The following SPRING1 variants were observed in gnomAD, a reference collection of about 807,000 sequenced individuals.
SPRING1 encodes SREBF pathway regulator in golgi 1.
Under a neutral mutation model 24.7 loss-of-function variants are expected in SPRING1, and 14 were observed. The ratio of observed to expected loss-of-function variants is 0.57; its 90% confidence interval spans 0.37 to 0.88. SPRING1 has a LOEUF of 0.88. SPRING1 is among the 40% of genes least tolerant of loss of function. The pLI is 0.00. For synonymous variants in SPRING1, 93 were observed against 106.1 expected, an observed-to-expected ratio of 0.88 and a Z score of 0.76; for missense variants, 255 against 268.4, an observed-to-expected ratio of 0.95 and a Z score of 0.35.
In SPRING1 at chr12:116,728,435, T is replaced by G. The variant is rs1046890845; in HGVS notation, c.112-5212A>C. On this transcript the variant is annotated intron_variant, in intron 1 of 4. Transcript: ENST00000261318. This position sits in a 1 kb window ranked among gnomAD's most constrained non-coding sequence, Gnocchi z 4.2. The stretch of plus-strand genomic sequence containing the variant: ...AATGCACCCAAGAAACCTGGTACCA[T>G]TCACCATTCCCAACCCTCCCCTCAA... Among the ~76,000 whole-genome samples, 1 of 152,052 alleles carries G rather than the reference T, an allele frequency of 6.6e-6. No individual in the cohort carries two copies.
chr12:116,719,886 C>T lies in SPRING1; in HGVS notation c.421-10G>A, dbSNP rs779734088. On this transcript the variant is annotated splice_polypyrimidine_tract_variant and intron_variant, in intron 3 of 4. Coordinates refer to ENST00000261318, the MANE Select transcript of SPRING1 (RefSeq NM_024738.4). The stretch of plus-strand genomic sequence containing the variant: ...GCTCCAGGAGAAGTTGCTATGGAAA[C>T]AAAAGTTAGTGCCTGTAATAAATTA... 1 of 1,611,780 alleles carries T rather than the reference C, an allele frequency of 6.2e-7. No individual in the cohort carries two copies. Among genetic ancestry groups the T allele is most frequent in the Non-Finnish European group, 8.5e-7 (1 of 1,178,110 alleles).
In SPRING1 at chr12:116,716,186, A is replaced by G. The variant is rs1870122063; in HGVS notation, c.*1624T>C. On this transcript the variant is annotated 3_prime_UTR_variant, in exon 5 of 5. Transcript: ENST00000261318. ...AACGGAATAGATTTCTTGGGATCTA[A>G]TATTTTTCAAATTGCCTGACCAGCT... 1 of 152,242 alleles carries G rather than the reference A, an allele frequency of 6.6e-6. No homozygotes were observed. The highest frequency in any genetic ancestry group is 1.5e-5 in the Non-Finnish European group (1 of 68,048). The allele number at this position is 152,242 out of a possible 1,614,324, so 9.4% of individuals were successfully genotyped here.
chr12:116,726,915 A>G (rs1870723393), intron 1 of SPRING1, among the ~76,000 whole-genome samples: 1 of 152,234 alleles, frequency 6.6e-6, no homozygotes, highest in African/African-American at 2.4e-5. Context: ...CCTGGTAAAC[A>G]GGAAAGCAAT....
intron 1 of SPRING1, among the ~76,000 whole-genome samples, chr12:116,723,817 C>T (rs572712600): frequency 1.3e-5 from 2 of 152,104 alleles, no homozygotes; most frequent in African/African-American, 2.4e-5. Flanking sequence ...GTATGTAACC[C>T]GCTACGGAAC....
At position 116,716,146 on chromosome 12, in the gene SPRING1, G is replaced by C. The variant is rs1023808783; in HGVS notation, c.*1664C>G. The stretch of plus-strand genomic sequence containing the variant: ...GTCCTGCTGCAAACACATGGAATCC[G>C]AGAAGTCCAATGCAAACGGAATAGA... On this transcript the variant is annotated 3_prime_UTR_variant, in exon 5 of 5. Transcript: ENST00000261318. 2 of 152,304 alleles carry C rather than the reference G, an allele frequency of 1.3e-5. No individual in the cohort carries two copies. Among genetic ancestry groups the C allele is most frequent in the East Asian group, 3.9e-4 (2 of 5,182 alleles). 9.4% of individuals were successfully genotyped at this position (152,304 alleles called of 1,614,324 possible).
rs765552185 is a variant in SPRING1 at position 116,737,772 on chromosome 12, G to A, written c.111+18C>T. On this transcript the variant is annotated intron_variant, in intron 1 of 4. Coordinates refer to ENST00000261318, the MANE Select transcript of SPRING1 (RefSeq NM_024738.4). The stretch of plus-strand genomic sequence containing the variant: ...GAAGGAAGAAGGGAAGGGGAGGAGG[G>A]GAAGGGCGGCCACTGACCTGCTTGA... 1.4e-5 allele frequency: 22 copies of A among 1,518,678 alleles called. No individual in the cohort carries two copies. The South Asian group carries it at 2.4e-4, about 17-fold the overall frequency. The allele number at this position is 1,518,678 out of a possible 1,614,324, so 94.1% of individuals were successfully genotyped here.
rs982414941 is a variant in SPRING1 at position 116,716,569 on chromosome 12, C to T, written c.*1241G>A. On this transcript the variant is annotated 3_prime_UTR_variant, in exon 5 of 5. Coordinates refer to ENST00000261318, the MANE Select transcript of SPRING1 (RefSeq NM_024738.4). The stretch of plus-strand genomic sequence containing the variant: ...GGATCAAATATTCTAGACCTTGAGC[C>T]GGAGAATCTGCATTACAGTAGGAAA... 4 of 152,590 alleles carry T rather than the reference C, an allele frequency of 2.6e-5. No individual in the cohort carries two copies. The highest frequency in any genetic ancestry group is 7.2e-5 in the African/African-American group (3 of 41,428). 9.5% of individuals were successfully genotyped at this position (152,590 alleles called of 1,614,324 possible).
At chr12:116,719,912 C>T (rs1001738495) in intron 3 of SPRING1, 36 bp from the exon 4 acceptor site, 1 of 1,557,614 alleles carries the variant, frequency 6.4e-7, no homozygotes, top group African/African-American at 1.4e-5. Context: ...TAATAAATTA[C>T]CTAAGCCAGC....
At chr12:116,723,475 A>C (rs1456012231) in intron 1 of SPRING1, among the ~76,000 whole-genome samples, 1 of 152,258 alleles carries the variant, frequency 6.6e-6, no homozygotes, top group Non-Finnish European at 1.5e-5. Flanking sequence ...TGGCATGCAC[A>C]TCATAAATGT....
Position 116,720,329 on chromosome 12 carries a change from C to T in SPRING1, c.387G>A (p.Glu129=), listed in dbSNP as rs1234901521. Residue 129 remains glutamate (E), a synonymous_variant, in exon 3 of 5, where the codon GAG becomes GAA. Coordinates refer to ENST00000261318, the MANE Select transcript of SPRING1 (RefSeq NM_024738.4). The surrounding 1 kb of genome is among the most constrained non-coding windows in gnomAD (Gnocchi z 4.0). ...GCTGCAGGCAGCAGGAGACACAGTACTCATAGGCGCTGCAGCAGCCGTTGG... is the reference window on the plus strand; with the variant it reads ...GCTGCAGGCAGCAGGAGACACAGTATTCATAGGCGCTGCAGCAGCCGTTGG... ...CWPNGCCSAY[E]YCVSCCLQPN... 2.5e-6 allele frequency: 4 copies of T among 1,614,106 alleles called. No individual in the cohort carries two copies. The South Asian group carries it at 3.3e-5, about 13-fold the overall frequency.
chr12:116,733,352 T>C (rs1220113357), intron 1 of SPRING1, among the ~76,000 whole-genome samples: 3 of 146,876 alleles, frequency 2.0e-5, no homozygotes, highest in Non-Finnish European at 3.0e-5. Context: ...CTGGTTAATT[T>C]TTTGTATTTT....
At chr12:116,724,234 A>C (rs990625074) in intron 1 of SPRING1, among the ~76,000 whole-genome samples, 1 of 152,248 alleles carries the variant, frequency 6.6e-6, no homozygotes, top group Non-Finnish European at 1.5e-5. Context: ...ATATACTTAA[A>C]AAATGGTAAA....
Position 116,716,011 on chromosome 12 carries a change from A to G in SPRING1, c.*1799T>C, listed in dbSNP as rs1358836949. On this transcript the variant is annotated 3_prime_UTR_variant, in exon 5 of 5. Transcript: ENST00000261318. ...AAGCTCAAAGGAGAGGCTGATTCCA[A>G]TGTCAACCCAGGGAAGACAGACACT... 2.6e-5 allele frequency: 4 copies of G among 152,230 alleles called. No individual in the cohort carries two copies. Among genetic ancestry groups the G allele is most frequent in the African/African-American group, 4.8e-5 (2 of 41,464 alleles). The allele number at this position is 152,230 out of a possible 1,614,324, so 9.4% of individuals were successfully genotyped here.
chr12:116,735,453 C>T (rs759559036), intron 1 of SPRING1, among the ~76,000 whole-genome samples: 22 of 152,096 alleles, frequency 1.4e-4, no homozygotes, highest in Non-Finnish European at 2.6e-4. Flanking sequence ...AAGATGGGGC[C>T]GGGCGTGGTG....
intron 1 of SPRING1, among the ~76,000 whole-genome samples, chr12:116,729,414 T>C (rs1870865965): frequency 6.6e-6 from 1 of 152,264 alleles, no homozygotes; most frequent in African/African-American, 2.4e-5. Flanking sequence ...AAAACAGTTG[T>C]GCAGTTCCTC....
chr12:116,719,626 C>T, intron 4 of SPRING1, 137 bp downstream of exon 4: 2 of 660,098 alleles, frequency 3.0e-6, no homozygotes, highest in Non-Finnish European at 5.2e-6. Context: ...ACTATCATCA[C>T]ACCAAACAAA....
At chr12:116,719,624 C>A (rs967897922) in intron 4 of SPRING1, 139 bp downstream of exon 4, 2 of 646,548 alleles carry the variant, frequency 3.1e-6, no homozygotes, top group Non-Finnish European at 5.3e-6. Flanking sequence ...ATACTATCAT[C>A]ACACCAAACA....
intron 1 of SPRING1, among the ~76,000 whole-genome samples, chr12:116,725,664 T>A (rs991966850): frequency 1.3e-5 from 2 of 152,120 alleles, no homozygotes; most frequent in Admixed American, 1.3e-4. Context: ...GGCGGGCGGA[T>A]CACGAGTTCA....
At chr12:116,733,656 T>A (rs1267836187) in intron 1 of SPRING1, among the ~76,000 whole-genome samples, 2 of 152,180 alleles carry the variant, frequency 1.3e-5, no homozygotes, top group Non-Finnish European at 2.9e-5. Context: ...AAAAAATTAG[T>A]TTATAAAGTA....
Sources: allele counts gnomAD v4.1 joint callset (sites outside exome capture counted in the v4.1 genomes callset), GRCh38; gene constraint gnomAD v4.1.1; non-coding constraint Gnocchi (gnomAD v3.1); transcripts MANE v1.5; gene names NCBI Gene and HGNC (gene_info 2026-07-23, HGNC 2026-07-21).